C6: variants seen among roughly 807,000 people sequenced by gnomAD.
C6 encodes complement C6, also known as complement component C6.
A neutral mutation model predicts 112.9 loss-of-function variants in C6; 101 were observed. The ratio of observed to expected loss-of-function variants is 0.89; its 90% CI spans 0.76 to 1.06. The LOEUF (loss-of-function observed/expected upper bound fraction) is 1.06. Ranked by LOEUF, C6 falls within the 50% of genes least tolerant of loss-of-function variation. The pLI is 0.00. For synonymous variants in C6, 431 were observed against 384.1 expected (o/e 1.12, Z -1.43); for missense variants, 1,202 against 1,104.6 (o/e 1.09, Z -1.25).
chr5:41,196,689 T>G (rs945114124), intron 4 of C6, among the ~76,000 whole-genome samples: 4 of 151,642 alleles, frequency 2.6e-5, no homozygotes, highest in African/African-American at 9.6e-5. Flanking sequence ...AATTACTGTA[T>G]ATAATTGTTT....
rs570192395 is a variant in C6 at position 41,185,575 on chromosome 5, T to C, written c.726+495A>G. ...ATTATAATTTACTAAAAGAAACAAA[T>C]AAACCAAACCAACTAATAAAATAGG... On this transcript the variant is annotated intron_variant, in intron 6 of 17. Transcript: ENST00000337836. Among the ~76,000 whole-genome samples, 91 of 152,094 alleles carry C rather than the reference T, an allele frequency of 6.0e-4. No homozygotes were observed. In the South Asian group the frequency reaches 0.018, roughly 30 times the overall value.
At chr5:41,158,936 C>T in intron 12 of C6, 146 bp downstream of exon 12, 2 of 1,137,880 alleles carry the variant, frequency 1.8e-6, no homozygotes, top group East Asian at 2.4e-5. Flanking sequence ...CGGCAGTAGA[C>T]CCAGTGGCTC....
chr5:41,183,590 A>G (rs2150327962), intron 6 of C6, among the ~76,000 whole-genome samples: 1 of 152,218 alleles, frequency 6.6e-6, no homozygotes, highest in East Asian at 1.9e-4. Flanking sequence ...CAAAGAACTT[A>G]AAACAGAACC....
chr5:41,218,803 T>C (rs1738986701), intron 1 of C6, among the ~76,000 whole-genome samples: 1 of 152,120 alleles, frequency 6.6e-6, no homozygotes, highest in Non-Finnish European at 1.5e-5. Context: ...AGAATGCCTC[T>C]GTAGAGAGAA....
At chr5:41,246,700 G>A (rs138012227) in intron 1 of C6, among the ~76,000 whole-genome samples, 91 of 152,272 alleles carry the variant, frequency 6.0e-4, no homozygotes, top group Admixed American at 1.2e-3. Flanking sequence ...ACATTCTTAT[G>A]TGTTTATACT....
intron 4 of C6, among the ~76,000 whole-genome samples, chr5:41,197,537 G>A (rs1750704337): frequency 6.6e-6 from 1 of 151,958 alleles, no homozygotes; most frequent in African/African-American, 2.4e-5. Flanking sequence ...TTTTGATATG[G>A]TTACACTAAA....
At chr5:41,219,064 A>G (rs1739012881) in intron 1 of C6, among the ~76,000 whole-genome samples, 1 of 152,208 alleles carries the variant, frequency 6.6e-6, no homozygotes, top group Non-Finnish European at 1.5e-5. Context: ...CAACAATTTC[A>G]CAAGTGGCAC....
upstream of C6, among the ~76,000 whole-genome samples, chr5:41,214,027 G>T (rs1752095472): frequency 6.6e-6 from 1 of 152,084 alleles, no homozygotes; most frequent in Non-Finnish European, 1.5e-5. Context: ...CTCTTTATAT[G>T]TAATGATGAT....
chr5:41,189,595 AT>A (rs1277676194), intron 5 of C6, among the ~76,000 whole-genome samples: 1 of 152,108 alleles, frequency 6.6e-6, no homozygotes, highest in Non-Finnish European at 1.5e-5. Context: ...TAATTAGCAT[AT>A]TCATCACCTC....
chr5:41,200,158 C>T (rs1306840409), intron 3 of C6, among the ~76,000 whole-genome samples: 1 of 152,154 alleles, frequency 6.6e-6, no homozygotes, highest in Admixed American at 6.6e-5. Context: ...CTTCTTATAA[C>T]TCTGAAACCA....
chr5:41,194,673 G>A (rs1365483072), intron 5 of C6, among the ~76,000 whole-genome samples: 1 of 152,068 alleles, frequency 6.6e-6, no homozygotes, highest in Non-Finnish European at 1.5e-5. Flanking sequence ...AATTTAAGAG[G>A]GGTTTCTTTA....
At chr5:41,177,140 A>G (rs1748923828) in intron 7 of C6, among the ~76,000 whole-genome samples, 1 of 152,198 alleles carries the variant, frequency 6.6e-6, no homozygotes, top group Non-Finnish European at 1.5e-5. Context: ...TGCAAGTGAG[A>G]TTCAAGTTAC....
At chr5:41,253,978 T>C (rs1300998536) in intron 1 of C6, among the ~76,000 whole-genome samples, 5 of 152,218 alleles carry the variant, frequency 3.3e-5, no homozygotes, top group Non-Finnish European at 4.4e-5. Context: ...ACCTTAAAAG[T>C]TGCAAATATG....
At chr5:41,165,538 T>A (rs2150284353) in intron 9 of C6, among the ~76,000 whole-genome samples, 1 of 152,320 alleles carries the variant, frequency 6.6e-6, no homozygotes, top group Middle Eastern at 3.4e-3. Context: ...TTCATGTTTA[T>A]TGCTTTTTAA....
chr5:41,260,848 A>T (rs1336870461), intron 1 of C6, among the ~76,000 whole-genome samples: 1 of 152,158 alleles, frequency 6.6e-6, no homozygotes, highest in Non-Finnish European at 1.5e-5. Context: ...CACCAGTCCT[A>T]TAGATGGATA....
intron 1 of C6, among the ~76,000 whole-genome samples, chr5:41,255,593 A>G (rs1157339705): frequency 6.6e-6 from 1 of 152,178 alleles, no homozygotes; most frequent in African/African-American, 2.4e-5. Flanking sequence ...TGAAGCCTGA[A>G]CATATCTCCA....
chr5:41,152,184 C>T (rs886235068), intron 15 of C6, among the ~76,000 whole-genome samples: 1 of 151,878 alleles, frequency 6.6e-6, no homozygotes, highest in Non-Finnish European at 1.5e-5. Flanking sequence ...GACCACATAC[C>T]ATAAAGACTC....
At chr5:41,243,367 A>G (rs983381709) in intron 1 of C6, among the ~76,000 whole-genome samples, 19 of 152,246 alleles carry the variant, frequency 1.2e-4, no homozygotes, top group Non-Finnish European at 2.4e-4. Context: ...ATTTTCTATT[A>G]TTTTGTGCCA....
At chr5:41,204,901 C>T (rs1454610782) in intron 1 of C6, among the ~76,000 whole-genome samples, 3 of 151,998 alleles carry the variant, frequency 2.0e-5, no homozygotes, top group Admixed American at 2.0e-4. Context: ...GATCTCCTGA[C>T]CTCGTGATCA....
Sources: allele counts gnomAD v4.1 joint callset (sites outside exome capture counted in the v4.1 genomes callset), GRCh38; gene constraint gnomAD v4.1.1; transcripts MANE v1.5; gene names NCBI Gene and HGNC (gene_info 2026-07-23, HGNC 2026-07-21).